The following ZNF521 variants were observed in gnomAD, a reference collection of about 807,000 sequenced individuals.
ZNF521 encodes zinc finger protein 521.
ZNF521 carries 14 observed loss-of-function variants against 105.5 expected under a neutral mutation model. That is an observed-to-expected ratio of 0.13 (90% CI 0.09 to 0.21). The LOEUF (loss-of-function observed/expected upper bound fraction) is 0.21. ZNF521 is among the 10% of genes least tolerant of loss of function. The probability of loss-of-function intolerance (pLI) is 1.00; values close to 1 mark genes in which losing one functional copy is unlikely to be tolerated. For missense variants in ZNF521, 1,233 were observed against 1,629.7 expected (o/e 0.76, Z 4.19); for synonymous variants, 635 against 606.0 (o/e 1.05, Z -0.70).
At chr18:25,346,426 T>C (rs549518114) in intron 2 of ZNF521, among the ~76,000 whole-genome samples, 1 of 152,254 alleles carries the variant, frequency 6.6e-6, no homozygotes, top group East Asian at 1.9e-4. Flanking sequence ...CTCCCTGAGG[T>C]GGCTTTTCTA....
In ZNF521 at chr18:25,063,075, C is replaced by T. The variant is rs190028001; in HGVS notation, c.3907-334G>A. ...GGCTGGCACCTTGCCTTTTCTCCAC[C>T]TCTGCCATGCCTTTCTATAATACCC... On this transcript the variant is annotated intron_variant, in intron 7 of 7. Coordinates refer to ENST00000361524, the MANE Select transcript of ZNF521 (RefSeq NM_015461.3). 9.2e-5 allele frequency among the ~76,000 whole-genome samples: 14 copies of T among 152,296 alleles called. No homozygotes were observed. In the South Asian group the frequency reaches 1.0e-3, roughly 11 times the overall value.
chr18:25,127,711 C>T (rs1344486695), intron 5 of ZNF521, among the ~76,000 whole-genome samples: 11 of 151,946 alleles, frequency 7.2e-5, no homozygotes, highest in Non-Finnish European at 1.5e-5. Flanking sequence ...AATAATTTTG[C>T]TTTTGAAGAG....
At chr18:25,243,537 G>A (rs1173671381) in intron 3 of ZNF521, among the ~76,000 whole-genome samples, 1 of 152,154 alleles carries the variant, frequency 6.6e-6, no homozygotes, top group Non-Finnish European at 1.5e-5. Flanking sequence ...CAAAATAACT[G>A]AAATAAACTG....
At chr18:25,233,932 G>A (rs960903730) in intron 3 of ZNF521, among the ~76,000 whole-genome samples, 5 of 152,068 alleles carry the variant, frequency 3.3e-5, no homozygotes, top group African/African-American at 4.8e-5. Flanking sequence ...TCCATCTTCC[G>A]CAGCCAAATT....
At chr18:25,162,322 T>C (rs1483142023) in intron 5 of ZNF521, among the ~76,000 whole-genome samples, 2 of 152,106 alleles carry the variant, frequency 1.3e-5, no homozygotes, top group African/African-American at 4.8e-5. Context: ...AAACTAAAGA[T>C]ACAAAATAAA....
chr18:25,153,354 A>C (rs182597964), intron 5 of ZNF521, among the ~76,000 whole-genome samples: 1 of 152,322 alleles, frequency 6.6e-6, no homozygotes, highest in African/African-American at 2.4e-5. Context: ...GGATTTATGA[A>C]GTCATGGGGA....
chr18:25,312,603 G>A (rs1387891907), intron 3 of ZNF521, among the ~76,000 whole-genome samples: 2 of 40,740 alleles, frequency 4.9e-5, no homozygotes, highest in South Asian at 4.4e-4. Flanking sequence ...ATGAGGTCAG[G>A]AGATCGAGAC....
chr18:25,101,175 A>G (rs1416097446), intron 5 of ZNF521, among the ~76,000 whole-genome samples: 3 of 152,194 alleles, frequency 2.0e-5, no homozygotes, highest in African/African-American at 7.2e-5. Flanking sequence ...GAATCTAAAT[A>G]CAGTTGGCCC....
At chr18:25,159,366 G>T (rs2035207725) in intron 5 of ZNF521, among the ~76,000 whole-genome samples, 1 of 152,158 alleles carries the variant, frequency 6.6e-6, no homozygotes, top group Non-Finnish European at 1.5e-5. Context: ...ATATCCTGGG[G>T]GCAGGGTAGA....
intron 3 of ZNF521, among the ~76,000 whole-genome samples, chr18:25,290,024 A>G (rs1046520122): frequency 6.6e-6 from 1 of 152,230 alleles, no homozygotes; most frequent in Non-Finnish European, 1.5e-5. Flanking sequence ...GACAAAAAGC[A>G]ATGCTGCACA....
chr18:25,083,033 ATAAAC>A (rs1268721117), intron 7 of ZNF521, among the ~76,000 whole-genome samples: 1 of 152,136 alleles, frequency 6.6e-6, no homozygotes, highest in Non-Finnish European at 1.5e-5. Flanking sequence ...ATATGAAAAA[ATAAAC>A]TAAAACTTTT....
intron 5 of ZNF521, among the ~76,000 whole-genome samples, chr18:25,114,565 C>T (rs1314054705): frequency 1.3e-5 from 2 of 152,158 alleles, no homozygotes; most frequent in Non-Finnish European, 2.9e-5. Context: ...AGGAAGTACA[C>T]TTGTCACAAA....
chr18:25,128,945 C>T (rs2144384781), intron 5 of ZNF521, among the ~76,000 whole-genome samples: 2 of 151,844 alleles, frequency 1.3e-5, no homozygotes, highest in East Asian at 1.9e-4. Flanking sequence ...TGGATATTGA[C>T]AAAAAGATTC....
At chr18:25,233,412 C>T (rs942497078) in intron 3 of ZNF521, among the ~76,000 whole-genome samples, 16 of 151,686 alleles carry the variant, frequency 1.1e-4, no homozygotes, top group Admixed American at 6.6e-5. Context: ...TACTTGAAAA[C>T]GAATACCCTT....
intron 3 of ZNF521, among the ~76,000 whole-genome samples, chr18:25,228,599 G>A (rs1906328126): frequency 6.6e-6 from 1 of 152,186 alleles, no homozygotes; most frequent in African/African-American, 2.4e-5. Flanking sequence ...ACTTTGAGGT[G>A]AGCAGAGACA....
At chr18:25,081,606 A>G (rs1450545979) in intron 7 of ZNF521, among the ~76,000 whole-genome samples, 1 of 152,242 alleles carries the variant, frequency 6.6e-6, no homozygotes, top group Non-Finnish European at 1.5e-5. Context: ...ATGCACACAC[A>G]GATGAGGCAT....
At chr18:25,278,135 A>G (rs1477695062) in intron 3 of ZNF521, among the ~76,000 whole-genome samples, 1 of 152,224 alleles carries the variant, frequency 6.6e-6, no homozygotes, top group Non-Finnish European at 1.5e-5. Context: ...CAGCACAGGC[A>G]ATGCAAATTA....
chr18:25,283,596 C>A (rs1568054539), intron 3 of ZNF521, among the ~76,000 whole-genome samples: 1 of 152,112 alleles, frequency 6.6e-6, no homozygotes, highest in South Asian at 2.1e-4. Context: ...GATGTTTCAC[C>A]AGAAAGCTTT....
intron 2 of ZNF521, among the ~76,000 whole-genome samples, chr18:25,336,607 A>G (rs1328145874): frequency 6.6e-6 from 1 of 152,154 alleles, no homozygotes; most frequent in East Asian, 1.9e-4. Flanking sequence ...TACGTTGGCA[A>G]AGCAAAGTTA....
Sources: allele counts gnomAD v4.1 joint callset (sites outside exome capture counted in the v4.1 genomes callset), GRCh38; gene constraint gnomAD v4.1.1; transcripts MANE v1.5; gene names NCBI Gene and HGNC (gene_info 2026-07-23, HGNC 2026-07-21).